The following ABCC12 variants were observed in gnomAD, a reference collection of about 807,000 sequenced individuals.
The protein encoded by ABCC12 is ATP-binding cassette sub-family C member 12.
Under a neutral mutation model 151.1 loss-of-function variants are expected in ABCC12, and 142 were observed. The observed-to-expected ratio is 0.94, with a 90% CI of 0.82 to 1.08. ABCC12 has a LOEUF of 1.08. Ranked by LOEUF, ABCC12 falls within the 50% of genes least tolerant of loss-of-function variation. The pLI, the probability that ABCC12 is intolerant of heterozygous loss-of-function variation, is 0.00. For synonymous variants in ABCC12, 645 were observed against 646.4 expected, an observed-to-expected ratio of 1.00 and a Z score of 0.03; for missense variants, 1,638 against 1,691.1, an observed-to-expected ratio of 0.97 and a Z score of 0.55.
intron 11 of ABCC12, among the ~76,000 whole-genome samples, chr16:48,126,548 A>C (rs547022607): frequency 2.0e-5 from 3 of 152,374 alleles, no homozygotes; most frequent in Admixed American, 6.5e-5. Flanking sequence ...AAAAGGCAAC[A>C]ATCATACCTA....
intron 24 of ABCC12, among the ~76,000 whole-genome samples, chr16:48,092,176 T>C (rs1218181381): frequency 2.6e-5 from 4 of 152,186 alleles, no homozygotes; most frequent in African/African-American, 9.7e-5. Context: ...AAGAAAACCT[T>C]TCTCTTGTTT....
intron 3 of ABCC12, among the ~76,000 whole-genome samples, chr16:48,144,580 C>T (rs1473775176): frequency 1.3e-5 from 2 of 152,154 alleles, no homozygotes; most frequent in East Asian, 1.9e-4. Context: ...GAAAACTGGA[C>T]ACTTTCTAGA....
intron 24 of ABCC12, 91 bp from the exon 25 acceptor site, chr16:48,091,300 T>C: frequency 8.8e-7 from 1 of 1,137,794 alleles, no homozygotes; most frequent in Non-Finnish European, 1.3e-6. Flanking sequence ...TAGTGAATGA[T>C]CCCTCCCCTG....
intron 11 of ABCC12, among the ~76,000 whole-genome samples, chr16:48,127,315 T>C (rs908761571): frequency 4.6e-5 from 7 of 151,890 alleles, no homozygotes; most frequent in Non-Finnish European, 1.0e-4. Context: ...TGCTGCTGAG[T>C]TCCCAGAGCA....
At chr16:48,133,583 G>T in intron 9 of ABCC12, 104 bp downstream of exon 9, 3 of 1,341,276 alleles carry the variant, frequency 2.2e-6, no homozygotes, top group Non-Finnish European at 3.1e-6. Flanking sequence ...TGCCATGATT[G>T]GATGTTCCTA....
At position 48,140,691 on chromosome 16, in the gene ABCC12, C is replaced by A. The variant is rs1319161391; in HGVS notation, c.653G>T (p.Gly218Val). 2 of 1,613,772 alleles carry A rather than the reference C, an allele frequency of 1.2e-6. No individual in the cohort carries two copies. Among genetic ancestry groups the A allele is most frequent in the Admixed American group, 3.3e-5 (2 of 59,976 alleles). ...AACTCCTCTGAGCCAGCTTACCTCG[C>A]CAACAGAGATGTGGGTCAATGTCTT... is the stretch of plus-strand genomic sequence containing the variant. The part of the protein sequence containing the change: ...SFKTLTHISV[G>V]EVLNILSSDS... The change falls in exon 6 of 31, where the codon GGC becomes GTC. Residue 218 changes from glycine (G) to valine (V), a missense_variant. Coordinates refer to ENST00000311303, the MANE Select transcript of ABCC12 (RefSeq NM_001393797.1).
chr16:48,143,169 C>T (rs972959695), intron 4 of ABCC12, among the ~76,000 whole-genome samples: 1 of 152,128 alleles, frequency 6.6e-6, no homozygotes, highest in Non-Finnish European at 1.5e-5. Context: ...TAAAACAAAA[C>T]CTGATGCTGC....
chr16:48,098,833 C>T (rs1417683457), intron 23 of ABCC12, among the ~76,000 whole-genome samples: 5 of 152,130 alleles, frequency 3.3e-5, no homozygotes, highest in Non-Finnish European at 7.3e-5. Context: ...TTCTTGGCTC[C>T]CTATAGGATT....
At chr16:48,148,730 T>C (rs1460894637) in intron 2 of ABCC12, among the ~76,000 whole-genome samples, 2 of 151,750 alleles carry the variant, frequency 1.3e-5, no homozygotes, top group African/African-American at 4.8e-5. Context: ...CTGGACAAAC[T>C]GTTTATTCCT....
At chr16:48,133,984 C>T (rs909638172) in intron 8 of ABCC12, 149 bp from the exon 9 acceptor site, 59 of 941,310 alleles carry the variant, frequency 6.3e-5, no homozygotes, top group South Asian at 1.3e-4. Flanking sequence ...CAGAAAGCCC[C>T]GGGCACAAAC....
chr16:48,134,890 A>C (rs147662593), intron 8 of ABCC12, among the ~76,000 whole-genome samples: 2,689 of 152,066 alleles, frequency 0.018, 77 homozygotes, highest in African/African-American at 0.062. Flanking sequence ...GTCTCTACTA[A>C]ATATACAAAA....
intron 4 of ABCC12, 49 bp downstream of exon 4, chr16:48,143,861 T>C (rs1274511499): frequency 3.8e-6 from 6 of 1,574,952 alleles, no homozygotes; most frequent in African/African-American, 2.7e-5. Context: ...TATTTCCTCA[T>C]AGCAGTATGA....
chr16:48,133,125 T>C (rs538838829), intron 9 of ABCC12, among the ~76,000 whole-genome samples: 13 of 152,202 alleles, frequency 8.5e-5, no homozygotes, highest in African/African-American at 3.1e-4. Context: ...ACACTTAAAA[T>C]TGCATTCCAA....
intron 18 of ABCC12, among the ~76,000 whole-genome samples, chr16:48,109,112 C>T (rs1963599406): frequency 6.6e-6 from 1 of 152,096 alleles, no homozygotes; most frequent in Non-Finnish European, 1.5e-5. Flanking sequence ...AGAAAGAGCC[C>T]CCAGGCAAAG....
At position 48,105,615 on chromosome 16, in the gene ABCC12, T is replaced by A. The variant is rs538530160; in HGVS notation, c.2476-279A>T. On this transcript the variant is annotated intron_variant, in intron 20 of 30. Coordinates refer to ENST00000311303, the MANE Select transcript of ABCC12 (RefSeq NM_001393797.1). ...AAACCAGATGGGCACTGGGCAGACATCCCCGAAGCTCACTGCACCTCGGGA... is the reference window on the plus strand; with the variant it reads ...AAACCAGATGGGCACTGGGCAGACAACCCCGAAGCTCACTGCACCTCGGGA... 1.1e-4 allele frequency among the ~76,000 whole-genome samples: 17 copies of A among 152,204 alleles called. No homozygotes were observed. In the East Asian group the frequency reaches 3.3e-3, roughly 29 times the overall value.
rs1218210761 is a variant in ABCC12 at position 48,081,467 on chromosome 16, C to T, written c.*2248G>A. ...GGCCAAGGGGAAAGGACTGGAGGGG[C>T]TTTGTTGTGAAGGGGTTGGGAGCAG... On this transcript the variant is annotated 3_prime_UTR_variant, in exon 31 of 31. Coordinates refer to ENST00000311303, the MANE Select transcript of ABCC12 (RefSeq NM_001393797.1). 1.3e-5 allele frequency among the ~76,000 whole-genome samples: 2 copies of T among 152,130 alleles called. No homozygotes were observed. Among genetic ancestry groups the T allele is most frequent in the Non-Finnish European group, 2.9e-5 (2 of 68,026 alleles).
At chr16:48,114,586 G>A (rs1350600411) in intron 15 of ABCC12, among the ~76,000 whole-genome samples, 9 of 152,194 alleles carry the variant, frequency 5.9e-5, no homozygotes, top group Non-Finnish European at 1.0e-4. Flanking sequence ...ATCTCTCGTC[G>A]GGCAAGGAGA....
chr16:48,093,361 G>A (rs545419999), intron 24 of ABCC12, among the ~76,000 whole-genome samples: 49 of 152,172 alleles, frequency 3.2e-4, no homozygotes, highest in African/African-American at 1.0e-3. Flanking sequence ...CATGCCTACC[G>A]CTGAGCCTTT....
rs1007857582 is a variant in ABCC12, at chr16:48,141,304, C to G, written c.325G>C (p.Ala109Pro). Residue 109 changes from alanine (A) to proline (P), a missense_variant, in exon 5 of 31, where the codon GCC (alanine) becomes CCC (proline). Physicochemically the swap from Ala to Pro is conservative, Grantham distance 27. Transcript: ENST00000311303. ...TTCCACACCACGTGGCTCAGAGAGG[C>G]CTTCTCAGGACCCACCCTTGCTACC... ...EEVARVGPEKASLSHVVWKFQ... is the reference protein window; with the variant it reads ...EEVARVGPEKPSLSHVVWKFQ... The G allele has an allele frequency of 1.4e-5, 22 of 1,614,104 alleles. No homozygotes were observed. Among genetic ancestry groups the G allele is most frequent in the Non-Finnish European group, 1.8e-5 (21 of 1,180,050 alleles).
Sources: gnomAD v4.1 joint callset for allele counts (sites outside exome capture counted in the v4.1 genomes callset) on GRCh38, gnomAD v4.1.1 for gene constraint, MANE v1.5 for transcripts, NCBI Gene and HGNC (gene_info 2026-07-23, HGNC 2026-07-21) for gene names.